YPEL3: variants seen among roughly 807,000 people sequenced by gnomAD.
YPEL3 encodes the protein yippee like 3.
YPEL3 carries 5 observed loss-of-function variants against 17.5 expected under a neutral mutation model. The ratio of observed to expected loss-of-function variants is 0.29; its 90% CI spans 0.15 to 0.60. YPEL3 has a LOEUF of 0.60. Among genes scored for constraint, YPEL3 ranks in the 20% least tolerant of loss-of-function variants. The probability of loss-of-function intolerance (pLI) is 0.87; values close to 1 mark genes in which losing one functional copy is unlikely to be tolerated. For synonymous variants in YPEL3, 87 were observed against 87.2 expected (o/e 1.00, Z 0.01); for missense variants, 155 against 211.4 (o/e 0.73, Z 1.65).
Position 30,095,582 on chromosome 16 carries a change from G to A in YPEL3, c.-100C>T, listed in dbSNP as rs990344201. 3 of 1,101,314 alleles carry A rather than the reference G, an allele frequency of 2.7e-6. No homozygotes were observed. The highest frequency in any genetic ancestry group is 2.6e-5 in the East Asian group (1 of 38,352). 68.2% of individuals were successfully genotyped at this position (1,101,314 alleles called of 1,614,324 possible). On this transcript the variant is annotated 5_prime_UTR_variant, in exon 1 of 4. An upstream open reading frame in the 5' UTR gains an earlier in-frame stop. Transcript: ENST00000398841. This position sits in a 1 kb window ranked among gnomAD's most constrained non-coding sequence, Gnocchi z 5.4. ...CCTCTCCGGGGACCAGAGGCGTCTCGGTTTTGACTCAGTGAGGAGGCCTCA... is the reference window on the plus strand; with the variant it reads ...CCTCTCCGGGGACCAGAGGCGTCTCAGTTTTGACTCAGTGAGGAGGCCTCA...
In YPEL3 at chr16:30,092,661, C is replaced by T. The variant is rs755047322; in HGVS notation, c.*49G>A. 1.3e-6 allele frequency: 2 copies of T among 1,596,736 alleles called. No homozygotes were observed. Among genetic ancestry groups the T allele is most frequent in the South Asian group, 2.2e-5 (2 of 90,630 alleles). The stretch of plus-strand genomic sequence containing the variant: ...CGGGTGGCGGGAAGCCAGTGGCGCT[C>T]CCTGGCGGCCAGGCCGGGCTGGAGC... On this transcript the variant is annotated 3_prime_UTR_variant, in exon 4 of 4. Transcript: ENST00000398841.
intron 3 of YPEL3, chr16:30,094,108 TC>T (rs2072768595): frequency 6.4e-6 from 1 of 156,372 alleles, no homozygotes. Flanking sequence ...TCTAATCTGA[TC>T]CCTGTAACAA....
rs1207769951 is a variant in YPEL3, at chr16:30,092,374, G to A, written c.*336C>T. ...TACAGAACGAGGGGGACAGACACGC[G>A]TGGGGTAAGAAGGGCCTGGTGGGAG... On this transcript the variant is annotated 3_prime_UTR_variant, in exon 4 of 4. Coordinates refer to ENST00000398841, the MANE Select transcript of YPEL3 (RefSeq NM_031477.5). 9.9e-6 allele frequency: 3 copies of A among 301,546 alleles called. No individual in the cohort carries two copies. The highest frequency in any genetic ancestry group is 1.2e-4 in the East Asian group (2 of 16,452). 18.7% of individuals were successfully genotyped at this position (301,546 alleles called of 1,614,324 possible).
In YPEL3 at chr16:30,095,211, G is replaced by A. The variant is rs769706500; in HGVS notation, c.231+41C>T. ...GCTGCCGGTGGGGAGCTGCCAGGCA[G>A]CCCCTATAGGTTCCAGCCCCACTGT... On this transcript the variant is annotated intron_variant, in intron 1 of 3. Transcript: ENST00000398841. The surrounding 1 kb of genome is among the most constrained non-coding windows in gnomAD (Gnocchi z 5.4). 2.5e-6 allele frequency: 4 copies of A among 1,614,058 alleles called. No homozygotes were observed. The Admixed American group carries it at 6.7e-5, about 27-fold the overall frequency.
rs780476654 is a variant in YPEL3 at position 30,095,202 on chromosome 16, TGCCAGGCAGCCCCTATA to T, written c.231+33_231+49del. ...GGGGTCAGGGCTGCCGGTGGGGAGC[TGCCAGGCAGCCCCTATA>T]GGTTCCAGCCCCACTGTGGCCTGGT... On this transcript the variant is annotated intron_variant, in intron 1 of 3. Transcript: ENST00000398841. This position sits in a 1 kb window ranked among gnomAD's most constrained non-coding sequence, Gnocchi z 5.4. 2 of 1,613,828 alleles carry T rather than the reference TGCCAGGCAGCCCCTATA, an allele frequency of 1.2e-6. No homozygotes were observed. Among genetic ancestry groups the T allele is most frequent in the Non-Finnish European group, 1.7e-6 (2 of 1,179,770 alleles).
chr16:30,092,858 G>T lies in YPEL3; in HGVS notation c.385-59C>A. 3.3e-6 allele frequency: 5 copies of T among 1,511,230 alleles called. No individual in the cohort carries two copies. In the South Asian group the frequency reaches 5.6e-5, roughly 17 times the overall value. The allele number at this position is 1,511,230 out of a possible 1,614,324, so 93.6% of individuals were successfully genotyped here. On this transcript the variant is annotated intron_variant, in intron 3 of 3. Transcript: ENST00000398841. The stretch of plus-strand genomic sequence containing the variant: ...CAACAGTCTCACCACAAGGCACTGG[G>T]GTTGGGAAGTGGACATGAGTGGCCC...
rs781602459 is a variant in YPEL3, at chr16:30,095,411, C to A, written c.72G>T (p.Pro24=). 6.2e-7 allele frequency: 1 copy of A among 1,609,744 alleles called. No individual in the cohort carries two copies. Among genetic ancestry groups the A allele is most frequent in the Admixed American group, 1.7e-5 (1 of 59,634 alleles). ...GTGGCCCCACGCGGGGAGCGGCCCA[C>A]GGGGAGCAGAGGGAGCCCAGTGCCT... ...PRQALGSLCS[P]WAAPRVGPLP... is the part of the protein sequence containing the mutation. The change falls in exon 1 of 4, where the codon CCG becomes CCT. Residue 24 remains proline (P), a synonymous_variant. Transcript: ENST00000398841. The surrounding 1 kb of genome is among the most constrained non-coding windows in gnomAD (Gnocchi z 5.4).
intron 3 of YPEL3, among the ~76,000 whole-genome samples, chr16:30,093,125 A>G (rs1308104621): frequency 6.6e-6 from 1 of 152,230 alleles, no homozygotes; most frequent in African/African-American, 2.4e-5. Flanking sequence ...AATAAAAATA[A>G]CTTTAAAGTA....
Position 30,092,693 on chromosome 16 carries a change from C to G in YPEL3, c.*17G>C, listed in dbSNP as rs758997057. 5 of 1,613,300 alleles carry G rather than the reference C, an allele frequency of 3.1e-6. No homozygotes were observed. Among genetic ancestry groups the G allele is most frequent in the South Asian group, 2.2e-5 (2 of 91,046 alleles). On this transcript the variant is annotated 3_prime_UTR_variant, in exon 4 of 4. Coordinates refer to ENST00000398841, the MANE Select transcript of YPEL3 (RefSeq NM_031477.5). ...GGCCAGGCCGGGCTGGAGCCACATG[C>G]GTCGGGGGAGCGGGGGTCAGTCCCA...
chr16:30,093,137 T>A (rs1486662755), intron 3 of YPEL3, among the ~76,000 whole-genome samples: 2 of 152,220 alleles, frequency 1.3e-5, no homozygotes, highest in Non-Finnish European at 2.9e-5. Context: ...TTTAAAGTAT[T>A]AAAATATAAG....
chr16:30,092,857 G>T, intron 3 of YPEL3, 58 bp from the exon 4 acceptor site: 1 of 1,506,962 alleles, frequency 6.6e-7, no homozygotes, highest in South Asian at 1.1e-5. Context: ...CAAGGCACTG[G>T]GGTTGGGAAG....
rs1194405575 is a variant in YPEL3 at position 30,095,084 on chromosome 16, A to C, written c.275+19T>G. The stretch of plus-strand genomic sequence containing the variant: ...ACAACAGAGGTCAGGGAAAGCAAGA[A>C]GGGAGGCCAGATACTCACACTGAGT... On this transcript the variant is annotated intron_variant, in intron 2 of 3. Coordinates refer to ENST00000398841, the MANE Select transcript of YPEL3 (RefSeq NM_031477.5). The surrounding 1 kb of genome is among the most constrained non-coding windows in gnomAD (Gnocchi z 5.4). 6.2e-7 allele frequency: 1 copy of C among 1,614,062 alleles called. No homozygotes were observed. The highest frequency in any genetic ancestry group is 2.2e-5 in the East Asian group (1 of 44,890).
In YPEL3 at chr16:30,095,439, C is replaced by G; in HGVS notation, c.44G>C (p.Arg15Pro). The change falls in exon 1 of 4, where the codon CGG (arginine) becomes CCG (proline). Residue 15 changes from arginine (R) to proline (P), a missense_variant. Around this residue, in one of 3 missense-constraint regions of YPEL3, gnomAD observed 58 missense variants for 60.0 expected, o/e 0.97. Coordinates refer to ENST00000398841, the MANE Select transcript of YPEL3 (RefSeq NM_031477.5). This position sits in a 1 kb window ranked among gnomAD's most constrained non-coding sequence, Gnocchi z 5.4. Reference protein sequence around the residue: ...QVLTAHLLPPRQALGSLCSPW... With the variant: ...QVLTAHLLPPPQALGSLCSPW... ...GGAGCAGAGGGAGCCCAGTGCCTGC[C>G]GGGGAGGGAGTAGGTGGGCTGTCAG... The G allele has an allele frequency of 3.1e-6, 5 of 1,592,682 alleles. No homozygotes were observed. Among genetic ancestry groups the G allele is most frequent in the Non-Finnish European group, 4.3e-6 (5 of 1,169,616 alleles).
In YPEL3 at chr16:30,092,490, G is replaced by A; in HGVS notation, c.*220C>T. 3 of 557,804 alleles carry A rather than the reference G, an allele frequency of 5.4e-6. No individual in the cohort carries two copies. The highest frequency in any genetic ancestry group is 2.4e-5 in the South Asian group (1 of 41,334). 34.6% of individuals were successfully genotyped at this position (557,804 alleles called of 1,614,324 possible). On this transcript the variant is annotated 3_prime_UTR_variant, in exon 4 of 4. Coordinates refer to ENST00000398841, the MANE Select transcript of YPEL3 (RefSeq NM_031477.5). ...GGTGGGGCAGGAACGGGTTAAAAAC[G>A]AGATCCAAGCCAGCCAGATCGCAGG...
intron 3 of YPEL3, among the ~76,000 whole-genome samples, chr16:30,093,481 G>A (rs1281599099): frequency 6.6e-6 from 1 of 151,784 alleles, no homozygotes; most frequent in East Asian, 1.9e-4. Context: ...GGCTGTTCTC[G>A]AACTCCTGAC....
chr16:30,094,710 A>C, intron 3 of YPEL3, 79 bp downstream of exon 3: 1 of 1,303,172 alleles, frequency 7.7e-7, no homozygotes, highest in Non-Finnish European at 1.1e-6. Flanking sequence ...CTGAAAGGCT[A>C]TAGGGTGACA....
intron 3 of YPEL3, 21 bp downstream of exon 3, chr16:30,094,768 G>A: frequency 6.2e-7 from 1 of 1,609,606 alleles, no homozygotes; most frequent in African/African-American, 1.3e-5. Context: ...GCTAGCCTGG[G>A]GTCAGAGGTG....
At chr16:30,093,109 C>G (rs1239339517) in intron 3 of YPEL3, among the ~76,000 whole-genome samples, 1 of 152,222 alleles carries the variant, frequency 6.6e-6, no homozygotes, top group African/African-American at 2.4e-5. Context: ...GGACAGCAGA[C>G]AGTTTAATAA....
Position 30,095,549 on chromosome 16 carries a change from G to A in YPEL3, c.-67C>T. On this transcript the variant is annotated 5_prime_UTR_variant, in exon 1 of 4. Coordinates refer to ENST00000398841, the MANE Select transcript of YPEL3 (RefSeq NM_031477.5). This position sits in a 1 kb window ranked among gnomAD's most constrained non-coding sequence, Gnocchi z 5.4. ...TGGGCTGCTCTCTCCTTTCCCCAGA[G>A]CCAGCAGCCTCTCCGGGGACCAGAG... The A allele has an allele frequency of 7.5e-7, 1 of 1,332,704 alleles. No individual in the cohort carries two copies. Among genetic ancestry groups the A allele is most frequent in the East Asian group, 2.5e-5 (1 of 39,448 alleles). The allele number at this position is 1,332,704 out of a possible 1,614,324, so 82.6% of individuals were successfully genotyped here. A position where few individuals can be genotyped will look rare whatever the true frequency, so the allele number is the denominator to read the frequency against.
Sources: gnomAD v4.1 joint callset for allele counts (sites outside exome capture counted in the v4.1 genomes callset) on GRCh38, gnomAD v4.1.1 for gene constraint, gnomAD v4.1.1 regional missense constraint, Gnocchi (gnomAD v3.1) non-coding constraint, MANE v1.5 for transcripts, NCBI Gene and HGNC (gene_info 2026-07-23, HGNC 2026-07-21) for gene names.